The following MAP3K9 variants were observed in gnomAD, a reference collection of about 807,000 sequenced individuals.
The protein encoded by MAP3K9 is mixed lineage kinase 1 (tyr and ser/thr specificity).
MAP3K9 carries 46 observed loss-of-function variants against 95.8 expected under a neutral mutation model. The observed-to-expected ratio is 0.48, with a 90% CI of 0.38 to 0.61. MAP3K9 has a LOEUF of 0.61. Among genes scored for constraint, MAP3K9 ranks in the 20% least tolerant of loss-of-function variants. The pLI, the probability that MAP3K9 is intolerant of heterozygous loss-of-function variation, is 0.00. For missense variants in MAP3K9, 1,296 were observed against 1,474.3 expected, an observed-to-expected ratio of 0.88 and a Z score of 1.98; for synonymous variants, 533 against 593.8, an observed-to-expected ratio of 0.90 and a Z score of 1.49.
At position 70,808,950 on chromosome 14, in the gene MAP3K9, C is replaced by A; in HGVS notation, c.222G>T (p.Arg74=). 1.3e-6 allele frequency: 2 copies of A among 1,581,082 alleles called. No homozygotes were observed. The highest frequency in any genetic ancestry group is 1.7e-6 in the Non-Finnish European group (2 of 1,169,784). The part of the protein sequence containing the change: ...EAAGEDELTL[R]LGDVVEVLSK... ...ACAGCACCTCCACCACGTCGCCCAGCCGCAGGGTCAGCTCGTCCTCGCCCG... is the reference window on the plus strand; with the variant it reads ...ACAGCACCTCCACCACGTCGCCCAGACGCAGGGTCAGCTCGTCCTCGCCCG... Residue 74 remains arginine (R), a synonymous_variant, in exon 1 of 12, where the codon CGG becomes CGT. Transcript: ENST00000554752.
intron 2 of MAP3K9, among the ~76,000 whole-genome samples, chr14:70,761,705 T>G (rs1271844664): frequency 3.9e-5 from 6 of 152,208 alleles, no homozygotes; most frequent in Non-Finnish European, 8.8e-5. Context: ...TACTAATCAT[T>G]AAAGCACCAA....
intron 2 of MAP3K9, among the ~76,000 whole-genome samples, chr14:70,789,717 G>A (rs75624213): frequency 0.012 from 1,788 of 152,294 alleles, 46 homozygotes; most frequent in African/African-American, 0.041. Context: ...TTTCTTCTCA[G>A]ATCAAAACCT....
Position 70,809,119 on chromosome 14 carries a change from G to A in MAP3K9, c.53C>T (p.Ala18Val), listed in dbSNP as rs1014554355. ...LGCLASAAAA[A>V]PPGEDGAGAG... ...CCCTGCTCCATCCTCCCCCGGCGGGGCGGCAGCGGCGGCGCTCGCTAGGCA... is the reference window on the plus strand; with the variant it reads ...CCCTGCTCCATCCTCCCCCGGCGGGACGGCAGCGGCGGCGCTCGCTAGGCA... The change falls in exon 1 of 12, where the codon GCC becomes GTC. Residue 18 changes from alanine (A) to valine (V), a missense_variant. Physicochemically the swap from Ala to Val is moderately conservative, Grantham distance 64. This residue lies in a region of MAP3K9 where 338 missense variants were observed against 363.4 expected (regional missense o/e 0.93). Transcript: ENST00000554752. 7.2e-6 allele frequency: 10 copies of A among 1,381,066 alleles called. No individual in the cohort carries two copies. In the Admixed American group the frequency reaches 1.8e-4, roughly 25 times the overall value. 85.6% of individuals were successfully genotyped at this position (1,381,066 alleles called of 1,614,324 possible). A position where few individuals can be genotyped will look rare whatever the true frequency, so the allele number is the denominator to read the frequency against.
chr14:70,787,594 G>C (rs1398203988), intron 2 of MAP3K9, among the ~76,000 whole-genome samples: 2 of 151,956 alleles, frequency 1.3e-5, no homozygotes, highest in Admixed American at 1.3e-4. Context: ...TGCTCCAAGG[G>C]ATGGATGGAC....
intron 2 of MAP3K9, among the ~76,000 whole-genome samples, chr14:70,799,397 A>T (rs2054903630): frequency 6.6e-6 from 1 of 152,094 alleles, no homozygotes; most frequent in Non-Finnish European, 1.5e-5. Context: ...TGGAGTGCAG[A>T]GGCACAATCT....
At position 70,726,502 on chromosome 14, in the gene MAP3K9, A is replaced by G. The variant is rs2053822593; in HGVS notation, c.*3878T>C. The G allele has an allele frequency of 6.6e-6, 1 of 152,236 alleles. No homozygotes were observed. Among genetic ancestry groups the G allele is most frequent in the Admixed American group, 6.5e-5 (1 of 15,288 alleles). 9.4% of individuals were successfully genotyped at this position (152,236 alleles called of 1,614,324 possible). On this transcript the variant is annotated 3_prime_UTR_variant, in exon 12 of 12. Transcript: ENST00000554752. ...CTCCCTCTCTCATTTCCTTCTCTGT[A>G]AGACACAACCTCCCTCTCCCATTTC... is the stretch of plus-strand genomic sequence containing the variant.
intron 2 of MAP3K9, among the ~76,000 whole-genome samples, chr14:70,799,794 C>T (rs1470019870): frequency 6.6e-6 from 1 of 152,178 alleles, no homozygotes; most frequent in Non-Finnish European, 1.5e-5. Flanking sequence ...GCCCATGCTT[C>T]CCCCACCCAA....
intron 2 of MAP3K9, among the ~76,000 whole-genome samples, chr14:70,787,438 G>A (rs2054758872): frequency 6.6e-6 from 1 of 151,420 alleles, no homozygotes; most frequent in Admixed American, 6.6e-5. Context: ...AACCTCAGAG[G>A]CAGAGGTTGC....
Position 70,747,528 on chromosome 14 carries a change from A to C in MAP3K9, c.1326+1301T>G, listed in dbSNP as rs75324714. On this transcript the variant is annotated intron_variant, in intron 5 of 11. Transcript: ENST00000554752. ...TTATTAGCAGCATGAGAATAGACTA[A>C]TATAATATTACAACGAATATCGGTT... Among the ~76,000 whole-genome samples, 74 of 152,328 alleles carry C rather than the reference A, an allele frequency of 4.9e-4. 1 individual carries two copies. Among genetic ancestry groups the C allele is most frequent in the African/African-American group, 1.7e-3 (72 of 41,570 alleles).
At chr14:70,803,337 T>TA (rs10583563) in intron 1 of MAP3K9, among the ~76,000 whole-genome samples, 1,908 of 74,918 alleles carry the variant, frequency 0.025, 43 homozygotes, top group East Asian at 0.051. Context: ...ATTCAGATCT[T>TA]AAAAAAAAAA....
intron 2 of MAP3K9, among the ~76,000 whole-genome samples, chr14:70,764,933 TTA>T (rs2054429475): frequency 6.6e-6 from 1 of 152,158 alleles, no homozygotes; most frequent in Non-Finnish European, 1.5e-5. Flanking sequence ...TACAGTGTGT[TTA>T]TGTTAAGCTC....
intron 10 of MAP3K9, among the ~76,000 whole-genome samples, chr14:70,734,131 G>C (rs891193897): frequency 2.6e-5 from 4 of 152,212 alleles, no homozygotes; most frequent in African/African-American, 9.6e-5. Context: ...GTAACTGTGT[G>C]AGACAATTCT....
At chr14:70,764,961 G>C (rs955040399) in intron 2 of MAP3K9, among the ~76,000 whole-genome samples, 1 of 152,212 alleles carries the variant, frequency 6.6e-6, no homozygotes, top group Non-Finnish European at 1.5e-5. Context: ...TTACAAAAGA[G>C]TTAAGAAGTA....
At chr14:70,798,153 AG>A (rs2054885250) in intron 2 of MAP3K9, among the ~76,000 whole-genome samples, 1 of 152,218 alleles carries the variant, frequency 6.6e-6, no homozygotes. Context: ...GAACCTTAAC[AG>A]GGTAACTTTT....
chr14:70,808,439 C>CGGGG (rs34783118), intron 1 of MAP3K9, among the ~76,000 whole-genome samples: 24 of 83,822 alleles, frequency 2.9e-4, no homozygotes, highest in East Asian at 6.2e-4. Flanking sequence ...TGGGGGGCGG[C>CGGGG]GGGGGGGTGG....
At position 70,742,489 on chromosome 14, in the gene MAP3K9, T is replaced by C. The variant is rs779198242; in HGVS notation, c.1429A>G (p.Ile477Val). The change falls in exon 6 of 12, where the codon ATT becomes GTT. Residue 477 changes from isoleucine (I) to valine (V), a missense_variant. Transcript: ENST00000554752. ...TTGAGCTCCCGTTCCAGGATGTCAA[T>C]CTCCCGCTCGGCCAGCTCCTGCTCC... is the stretch of plus-strand genomic sequence containing the variant. ...RREQELAERE[I>V]DILERELNII... 5 of 1,614,162 alleles carry C rather than the reference T, an allele frequency of 3.1e-6. No homozygotes were observed. Among genetic ancestry groups the C allele is most frequent in the Non-Finnish European group, 4.2e-6 (5 of 1,180,034 alleles).
At chr14:70,792,522 C>A (rs1459234456) in intron 2 of MAP3K9, among the ~76,000 whole-genome samples, 1 of 152,218 alleles carries the variant, frequency 6.6e-6, no homozygotes, top group East Asian at 1.9e-4. Flanking sequence ...TCCAGGTCCA[C>A]TCTGGGAATG....
At chr14:70,800,044 G>T (rs139372709) in intron 2 of MAP3K9, among the ~76,000 whole-genome samples, 214 of 152,218 alleles carry the variant, frequency 1.4e-3, no homozygotes, top group African/African-American at 5.0e-3. Flanking sequence ...ATGGATTCTG[G>T]ATATTTAATA....
rs113948531 is a variant in MAP3K9 at position 70,793,585 on chromosome 14, A to G, written c.820+7082T>C. Among the ~76,000 whole-genome samples, 1,295 of 152,324 alleles carry G rather than the reference A, an allele frequency of 8.5e-3. 27 individuals are homozygous for G. The highest frequency in any genetic ancestry group is 0.029 in the African/African-American group (1,208 of 41,582). ...TCCACACAAGTGAGGTCTGAATGACACCCATGGGTAAGAGAAAGGGAACAT... is the reference window on the plus strand; with the variant it reads ...TCCACACAAGTGAGGTCTGAATGACGCCCATGGGTAAGAGAAAGGGAACAT... On this transcript the variant is annotated intron_variant, in intron 2 of 11. Transcript: ENST00000554752.
Sources: gnomAD v4.1 joint callset for allele counts (sites outside exome capture counted in the v4.1 genomes callset) on GRCh38, gnomAD v4.1.1 for gene constraint, gnomAD v4.1.1 regional missense constraint, MANE v1.5 for transcripts, NCBI Gene and HGNC (gene_info 2026-07-23, HGNC 2026-07-21) for gene names.